Variants in CNTN5 observed in about 807,000 individuals in gnomAD.
CNTN5 encodes contactin 5.
Under a neutral mutation model 129.1 loss-of-function variants are expected in CNTN5, and 77 were observed. That is an observed-to-expected ratio of 0.60 (90% CI 0.50 to 0.72). CNTN5 has a LOEUF of 0.72. Among genes scored for constraint, CNTN5 ranks in the 30% least tolerant of loss-of-function variants. CNTN5 has a pLI of 0.00. For missense variants in CNTN5, 1,478 were observed against 1,328.8 expected (o/e 1.11, Z -1.75); for synonymous variants, 509 against 465.6 (o/e 1.09, Z -1.20).
intron 9 of CNTN5, among the ~76,000 whole-genome samples, chr11:100,052,687 T>C (rs190394155): frequency 1.8e-4 from 28 of 151,990 alleles, no homozygotes; most frequent in Admixed American, 1.2e-3. Flanking sequence ...CTGCTTCTAC[T>C]TTTGTGAAAT....
intron 21 of CNTN5, among the ~76,000 whole-genome samples, chr11:100,327,645 G>T: frequency 6.6e-6 from 1 of 152,158 alleles, no homozygotes; most frequent in East Asian, 1.9e-4. Flanking sequence ...CTCCAAGAGG[G>T]CAGGGACTTC....
At chr11:99,352,737 G>C (rs930330969) in intron 2 of CNTN5, among the ~76,000 whole-genome samples, 1 of 152,098 alleles carries the variant, frequency 6.6e-6, no homozygotes, top group African/African-American at 2.4e-5. Context: ...TTCCAAGATT[G>C]TCTGGGACAA....
At chr11:99,859,632 T>G (rs1405119523) in intron 6 of CNTN5, among the ~76,000 whole-genome samples, 1 of 152,230 alleles carries the variant, frequency 6.6e-6, no homozygotes, top group East Asian at 1.9e-4. Context: ...ATTAATTTGC[T>G]TAGGATAATG....
chr11:99,666,164 C>T (rs1952784933), intron 3 of CNTN5, among the ~76,000 whole-genome samples: 1 of 152,134 alleles, frequency 6.6e-6, no homozygotes, highest in Non-Finnish European at 1.5e-5. Context: ...GACAGGGCTT[C>T]ACCATGTTGG....
intron 3 of CNTN5, among the ~76,000 whole-genome samples, chr11:99,608,551 T>C (rs577244097): frequency 6.6e-6 from 1 of 152,020 alleles, no homozygotes; most frequent in African/African-American, 2.4e-5. Context: ...AAGAGAAAAA[T>C]TGTACACAGA....
intron 3 of CNTN5, among the ~76,000 whole-genome samples, chr11:99,592,656 G>GA (rs1035721151): frequency 6.6e-6 from 1 of 151,566 alleles, no homozygotes; most frequent in Non-Finnish European, 1.5e-5. Context: ...AAAGAAAAGG[G>GA]AAAAAAAGGT....
rs1459825900 is a variant in CNTN5, at chr11:100,291,021, T to G, written c.2315-6604T>G. On this transcript the variant is annotated intron_variant, in intron 18 of 24. Transcript: ENST00000524871. The stretch of plus-strand genomic sequence containing the variant: ...CACATGAAAAAATGCTCATCATCAC[T>G]GGCCATCAGAGAAATGCAAATCAAA... Among the ~76,000 whole-genome samples, 378 of 149,946 alleles carry G rather than the reference T, an allele frequency of 2.5e-3. 5 individuals are homozygous for G. Among genetic ancestry groups the G allele is most frequent in the African/African-American group, 8.8e-3 (360 of 41,014 alleles).
At chr11:100,241,349 A>AT (rs1284396839) in intron 16 of CNTN5, among the ~76,000 whole-genome samples, 1 of 152,204 alleles carries the variant, frequency 6.6e-6, no homozygotes. Flanking sequence ...AACTCATGTA[A>AT]AACTACATTA....
At chr11:99,735,781 C>T (rs1315786554) in intron 3 of CNTN5, among the ~76,000 whole-genome samples, 3 of 152,108 alleles carry the variant, frequency 2.0e-5, no homozygotes, top group Admixed American at 6.5e-5. Context: ...CGGTTACCAT[C>T]GTTTGTGTGT....
At chr11:99,077,865 A>G (rs1565299142) in intron 1 of CNTN5, among the ~76,000 whole-genome samples, 1 of 152,170 alleles carries the variant, frequency 6.6e-6, no homozygotes, top group Non-Finnish European at 1.5e-5. Context: ...AGTTTGCTGC[A>G]GCCTATCCGG....
At position 99,930,038 on chromosome 11, in the gene CNTN5, T is replaced by C. The variant is rs1479461307; in HGVS notation, c.673+13889T>C. 2.0e-5 allele frequency among the ~76,000 whole-genome samples: 3 copies of C among 152,180 alleles called. No individual in the cohort carries two copies. The East Asian group carries it at 5.8e-4, about 29-fold the overall frequency. The stretch of plus-strand genomic sequence containing the variant: ...ACTTATTATTTCCTGCTTTTTATCC[T>C]GGTCTTTTCCCCTTGTCCTTCCTGT... On this transcript the variant is annotated intron_variant, in intron 7 of 24. Coordinates refer to ENST00000524871, the MANE Select transcript of CNTN5 (RefSeq NM_014361.4).
chr11:99,626,174 G>A (rs537235417), intron 3 of CNTN5, among the ~76,000 whole-genome samples: 2 of 152,044 alleles, frequency 1.3e-5, no homozygotes, highest in African/African-American at 2.4e-5. Context: ...CACAGAGGGT[G>A]ACATTGAGCC....
chr11:99,379,229 C>T (rs540601509), intron 2 of CNTN5, among the ~76,000 whole-genome samples: 8 of 147,708 alleles, frequency 5.4e-5, no homozygotes, highest in South Asian at 4.3e-4. Flanking sequence ...TAATACCTGA[C>T]ATCTACTAAA....
chr11:99,926,773 A>T (rs1385756718), intron 7 of CNTN5, among the ~76,000 whole-genome samples: 1 of 152,030 alleles, frequency 6.6e-6, no homozygotes, highest in Non-Finnish European at 1.5e-5. Flanking sequence ...ATTACATAAG[A>T]TCTTTATTCT....
intron 21 of CNTN5, among the ~76,000 whole-genome samples, chr11:100,313,705 G>T (rs960826097): frequency 6.6e-6 from 1 of 152,000 alleles, no homozygotes; most frequent in African/African-American, 2.4e-5. Flanking sequence ...TTCAAGAGAA[G>T]AGGAGAGAAC....
intron 3 of CNTN5, among the ~76,000 whole-genome samples, chr11:99,671,952 C>T (rs144469265): frequency 5.3e-4 from 80 of 152,242 alleles, no homozygotes; most frequent in African/African-American, 1.2e-3. Context: ...TCAATCGTTG[C>T]AGGTGTGCGT....
intron 7 of CNTN5, among the ~76,000 whole-genome samples, chr11:99,942,887 A>G (rs765365659): frequency 2.0e-5 from 3 of 151,986 alleles, no homozygotes; most frequent in Non-Finnish European, 2.9e-5. Context: ...ATAGTATTCC[A>G]TATGTACCAC....
rs776912139 is a variant in CNTN5, at chr11:100,255,764, C to A, written c.2010C>A (p.Pro670=). The A allele has an allele frequency of 7.4e-6, 12 of 1,613,576 alleles. No homozygotes were observed. Among genetic ancestry groups the A allele is most frequent in the African/African-American group, 1.3e-5 (1 of 75,008 alleles). Residue 670 remains proline, a synonymous_variant, in exon 17 of 25, where the codon CCC becomes CCA. Coordinates refer to ENST00000524871, the MANE Select transcript of CNTN5 (RefSeq NM_014361.4). ...TCCATTGCCTTTGACCTATAGGACC[C>A]CCAGGCCCACCTGGGATAGTAATTG... ...SDEAELLVRG[P]PGPPGIVIVE...
chr11:99,185,826 CGG>C (rs1858321882), intron 1 of CNTN5, among the ~76,000 whole-genome samples: 1 of 99,400 alleles, frequency 1.0e-5, no homozygotes, highest in Non-Finnish European at 2.2e-5. Context: ...ATCAAAATAA[CGG>C]AGAGGAAATA....
Sources: gnomAD v4.1 joint callset for allele counts (sites outside exome capture counted in the v4.1 genomes callset) on GRCh38, gnomAD v4.1.1 for gene constraint, MANE v1.5 for transcripts, NCBI Gene and HGNC (gene_info 2026-07-23, HGNC 2026-07-21) for gene names.